VPS13D: variants seen among roughly 807,000 people sequenced by gnomAD.
VPS13D encodes the protein intermembrane lipid transfer protein VPS13D.
A neutral mutation model predicts 461.9 loss-of-function variants in VPS13D; 187 were observed. That is an observed-to-expected ratio of 0.40 (90% CI 0.36 to 0.46). VPS13D has a LOEUF of 0.46. Among genes scored for constraint, VPS13D ranks in the 20% least tolerant of loss-of-function variants. The pLI, the probability that VPS13D is intolerant of heterozygous loss-of-function variation, is 0.60. For missense variants in VPS13D, 4,711 were observed against 5,364.9 expected, an observed-to-expected ratio of 0.88 and a Z score of 3.81; for synonymous variants, 1,951 against 1,986.3, an observed-to-expected ratio of 0.98 and a Z score of 0.47.
At chr1:12,309,119 A>G (rs1642656634) in intron 27 of VPS13D, among the ~76,000 whole-genome samples, 1 of 152,214 alleles carries the variant, frequency 6.6e-6, no homozygotes, top group South Asian at 2.1e-4. Context: ...TGAAAGAGAA[A>G]ACTAATTCCT....
intron 24 of VPS13D, among the ~76,000 whole-genome samples, chr1:12,296,230 A>G (rs1232705380): frequency 6.6e-6 from 1 of 152,178 alleles, no homozygotes; most frequent in East Asian, 1.9e-4. Flanking sequence ...TCTCTTCACT[A>G]GATAAAGCCA....
intron 39 of VPS13D, chr1:12,336,490 C>T (rs1164584434): frequency 6.6e-6 from 1 of 152,200 alleles, no homozygotes; most frequent in African/African-American, 2.4e-5. Context: ...CCATTGTCAT[C>T]CAAATTCAAC....
rs1396049005 is a variant in VPS13D, at chr1:12,379,540, A to T, written c.11134A>T (p.Thr3712Ser). ...KPDRRRSTTQ[T>S]WSFREGKLTC... ...TGACCGCAGGCGAAGCACAACTCAG[A>T]CGTGGAGTTTCCGAGAAGGAAAACT... The change falls in exon 57 of 70, where the codon ACG (threonine) becomes TCG (serine). Residue 3712 changes from threonine (T) to serine (S), a missense_variant. Physicochemically the swap from Thr to Ser is moderately conservative, Grantham distance 58 (BLOSUM62 1). This residue lies in a region of VPS13D where 4,411 missense variants were observed against 4,937.8 expected (regional missense o/e 0.89). Coordinates refer to ENST00000620676, the MANE Select transcript of VPS13D (RefSeq NM_015378.4). 1 of 1,613,698 alleles carries T rather than the reference A, an allele frequency of 6.2e-7. No individual in the cohort carries two copies. Among genetic ancestry groups the T allele is most frequent in the South Asian group, 1.1e-5 (1 of 90,996 alleles).
rs1326634543 is a variant in VPS13D, at chr1:12,299,749, A to G, written c.6216+365A>G. Among the ~76,000 whole-genome samples, 1 of 152,170 alleles carries G rather than the reference A, an allele frequency of 6.6e-6. No individual in the cohort carries two copies. Among genetic ancestry groups the G allele is most frequent in the Non-Finnish European group, 1.5e-5 (1 of 68,030 alleles). Reference sequence around the variant, plus strand: ...CTTTTTATAATGCTTTCTTTATATAAAAGCATTCCTTCTATAATATAAACG... The same window carrying G: ...CTTTTTATAATGCTTTCTTTATATAGAAGCATTCCTTCTATAATATAAACG... On this transcript the variant is annotated intron_variant, in intron 25 of 69. Transcript: ENST00000620676. This position sits in a 1 kb window ranked among gnomAD's most constrained non-coding sequence, Gnocchi z 4.2.
At chr1:12,410,026 A>G (rs1007078696) in intron 63 of VPS13D, 2 of 414,944 alleles carry the variant, frequency 4.8e-6, no homozygotes, top group Admixed American at 2.7e-5. Context: ...AGCTTTTGGC[A>G]GTCTCATGGG....
chr1:12,348,956 G>T lies in VPS13D; in HGVS notation c.9203G>T (p.Ser3068Ile). ...LETPMELRLDSPSAPDKPVVL... is the reference protein window; with the variant it reads ...LETPMELRLDIPSAPDKPVVL... ...ACACCAATGGAACTAAGACTGGATA[G>T]CCCATCAGCTCCAGACAGTATGTTT... Residue 3068 changes from serine (S) to isoleucine (I), a missense_variant, in exon 45 of 70, where the codon AGC (serine) becomes ATC (isoleucine). Coordinates refer to ENST00000620676, the MANE Select transcript of VPS13D (RefSeq NM_015378.4). 1 of 1,614,166 alleles carries T rather than the reference G, an allele frequency of 6.2e-7. No homozygotes were observed. Among genetic ancestry groups the T allele is most frequent in the Non-Finnish European group, 8.5e-7 (1 of 1,180,028 alleles).
At chr1:12,400,774 G>A (rs1644564364) in intron 61 of VPS13D, among the ~76,000 whole-genome samples, 1 of 152,080 alleles carries the variant, frequency 6.6e-6, no homozygotes, top group Non-Finnish European at 1.5e-5. Flanking sequence ...GAAACATGGT[G>A]AAACCTCATT....
intron 35 of VPS13D, among the ~76,000 whole-genome samples, chr1:12,326,164 C>T (rs978927936): frequency 5.3e-5 from 8 of 151,066 alleles, no homozygotes; most frequent in Admixed American, 5.3e-4. Context: ...AGACCTAGTT[C>T]TCATGTGTTC....
rs1228033063 is a variant in VPS13D, at chr1:12,299,070, G to A, written c.6034-132G>A. 4 of 730,486 alleles carry A rather than the reference G, an allele frequency of 5.5e-6. No individual in the cohort carries two copies. The highest frequency in any genetic ancestry group is 3.7e-5 in the Admixed American group (1 of 27,338). The allele number at this position is 730,486 out of a possible 1,614,324, so 45.3% of individuals were successfully genotyped here. On this transcript the variant is annotated intron_variant, in intron 24 of 69. Coordinates refer to ENST00000620676, the MANE Select transcript of VPS13D (RefSeq NM_015378.4). The surrounding 1 kb of genome is among the most constrained non-coding windows in gnomAD (Gnocchi z 4.2). ...TACTGACTTCCAGTTTAACTCCATG[G>A]TGGTCATAGAATATGCTCTGTATGA...
At chr1:12,411,522 G>A (rs1307700117) in intron 63 of VPS13D, among the ~76,000 whole-genome samples, 1 of 135,514 alleles carries the variant, frequency 7.4e-6, no homozygotes, top group East Asian at 2.6e-4. Context: ...GGGGGAGGAG[G>A]AGAGAGAGAT....
intron 23 of VPS13D, among the ~76,000 whole-genome samples, chr1:12,292,873 A>G (rs527691888): frequency 8.5e-5 from 13 of 152,234 alleles, no homozygotes; most frequent in African/African-American, 3.1e-4. Flanking sequence ...TTTGTGTTCT[A>G]TACCTTGGTG....
chr1:12,354,052 T>C lies in VPS13D; in HGVS notation c.9510T>C (p.Ile3170=). ...TATTTTCTGACAGTGCAAAACAGAT[T>C]TTCAGACAGCCTGGGCATACCATAT... ...SNIFSDSAKQ[I]FRQPGHTIYL... The change falls in exon 47 of 70, where the codon ATT becomes ATC. Residue 3170 remains isoleucine (I), a synonymous_variant. Transcript: ENST00000620676. 1.2e-6 allele frequency: 2 copies of C among 1,614,204 alleles called. No homozygotes were observed. The highest frequency in any genetic ancestry group is 1.7e-6 in the Non-Finnish European group (2 of 1,180,032).
chr1:12,354,858 C>G (rs1005111641), intron 47 of VPS13D, among the ~76,000 whole-genome samples: 1 of 152,110 alleles, frequency 6.6e-6, no homozygotes, highest in Non-Finnish European at 1.5e-5. Flanking sequence ...TGGAATGCAT[C>G]AAGTAATTTT....
chr1:12,384,510 A>C (rs1644324925), intron 58 of VPS13D, among the ~76,000 whole-genome samples: 1 of 152,146 alleles, frequency 6.6e-6, no homozygotes. Flanking sequence ...TGTGATGGGG[A>C]TAAGGGTTTA....
chr1:12,250,779 G>T (rs922236907), intron 6 of VPS13D, among the ~76,000 whole-genome samples: 5 of 152,260 alleles, frequency 3.3e-5, no homozygotes, highest in Non-Finnish European at 5.9e-5. Context: ...CTAAGTTAGG[G>T]CTTGGCACAC....
chr1:12,379,344 A>T, intron 56 of VPS13D, 144 bp from the exon 57 acceptor site: 1 of 629,576 alleles, frequency 1.6e-6, no homozygotes, highest in Non-Finnish European at 2.6e-6. Flanking sequence ...TAACTGCCCT[A>T]GGATTCAAGC....
intron 60 of VPS13D, among the ~76,000 whole-genome samples, chr1:12,390,642 G>A (rs1247462984): frequency 1.3e-5 from 2 of 152,218 alleles, no homozygotes; most frequent in Admixed American, 6.5e-5. Flanking sequence ...CATGATGGAA[G>A]AGGTACAATA....
At chr1:12,458,706 A>C (rs917012759) in intron 66 of VPS13D, among the ~76,000 whole-genome samples, 2 of 152,184 alleles carry the variant, frequency 1.3e-5, no homozygotes, top group Admixed American at 1.3e-4. Context: ...AGAGCTGAAG[A>C]GTCTAGAGAG....
chr1:12,332,948 T>C (rs72866686), intron 37 of VPS13D, among the ~76,000 whole-genome samples: 5,645 of 152,222 alleles, frequency 0.037, 207 homozygotes, highest in African/African-American at 0.092. Flanking sequence ...TGTTCTTTAG[T>C]GGAAGAGGGC....
Sources: allele counts gnomAD v4.1 joint callset (sites outside exome capture counted in the v4.1 genomes callset), GRCh38; gene constraint gnomAD v4.1.1; regional missense constraint gnomAD v4.1.1; non-coding constraint Gnocchi (gnomAD v3.1); transcripts MANE v1.5; gene names NCBI Gene and HGNC (gene_info 2026-07-23, HGNC 2026-07-21).